Variants in PDE8B observed in about 807,000 individuals in gnomAD.
PDE8B encodes high affinity cAMP-specific and IBMX-insensitive 3',5'-cyclic phosphodiesterase 8B.
In PDE8B, 26 loss-of-function variants were observed where a neutral mutation model predicts 101.3. The observed-to-expected ratio is 0.26, with a 90% CI of 0.19 to 0.36. The LOEUF is 0.36. Ranked by LOEUF, PDE8B falls within the 10% of genes least tolerant of loss-of-function variation. The probability of loss-of-function intolerance (pLI) is 1.00; values close to 1 mark genes in which losing one functional copy is unlikely to be tolerated. For missense variants in PDE8B, 810 were observed against 1,163.1 expected, an observed-to-expected ratio of 0.70 and a Z score of 4.42; for synonymous variants, 424 against 429.3, an observed-to-expected ratio of 0.99 and a Z score of 0.15.
rs145589896 is a variant in PDE8B, at chr5:77,360,335, C to T, written c.1167+6929C>T. Among the ~76,000 whole-genome samples, 71 of 152,278 alleles carry T rather than the reference C, an allele frequency of 4.7e-4. 2 individuals carry two copies. The East Asian group carries it at 0.014, about 29-fold the overall frequency. On this transcript the variant is annotated intron_variant, in intron 10 of 21. Coordinates refer to ENST00000264917, the MANE Select transcript of PDE8B (RefSeq NM_003719.5). Reference sequence around the variant, plus strand: ...TCAGACTATTACAAGATTCTGCTCACTCCGGAGGCTTGTACTAATTAAGCC... The same window carrying T: ...TCAGACTATTACAAGATTCTGCTCATTCCGGAGGCTTGTACTAATTAAGCC...
At chr5:77,252,892 C>T (rs1013132183) in intron 1 of PDE8B, among the ~76,000 whole-genome samples, 3 of 152,148 alleles carry the variant, frequency 2.0e-5, no homozygotes, top group South Asian at 2.1e-4. Context: ...TTTTCTATTT[C>T]GACCCTTCCA....
the PDE8B span, among the ~76,000 whole-genome samples, chr5:77,184,090 C>T: frequency 3.9e-5 from 6 of 152,026 alleles, no homozygotes; most frequent in East Asian, 1.9e-4. Context: ...CCTTAGCATC[C>T]GGATTAGCTG....
chr5:77,389,348 C>G (rs958056228), intron 10 of PDE8B, among the ~76,000 whole-genome samples: 1 of 152,154 alleles, frequency 6.6e-6, no homozygotes, highest in African/African-American at 2.4e-5. Context: ...CTTGTGTTTC[C>G]CAGGTGAGGC....
the PDE8B span, among the ~76,000 whole-genome samples, chr5:77,153,988 T>A: frequency 6.6e-6 from 1 of 152,360 alleles, no homozygotes; most frequent in East Asian, 1.9e-4. Flanking sequence ...TTCCAACCCA[T>A]CTGTATAAGA....
At chr5:77,352,816 G>C (rs1184884634) in intron 9 of PDE8B, among the ~76,000 whole-genome samples, 1 of 152,198 alleles carries the variant, frequency 6.6e-6, no homozygotes, top group East Asian at 1.9e-4. Flanking sequence ...CAGTGATAAA[G>C]AGTGAGGCTG....
intron 1 of PDE8B, among the ~76,000 whole-genome samples, chr5:77,230,413 C>G (rs930585732): frequency 2.0e-5 from 3 of 152,198 alleles, no homozygotes; most frequent in Non-Finnish European, 4.4e-5. Context: ...GGGCCCTATC[C>G]CAGAGCTCTG....
intron 1 of PDE8B, among the ~76,000 whole-genome samples, chr5:77,308,749 G>A (rs1771829749): frequency 6.6e-6 from 1 of 152,164 alleles, no homozygotes; most frequent in Admixed American, 6.5e-5. Flanking sequence ...CAATGCCTGG[G>A]TCAGAGGGAC....
chr5:77,281,108 C>A (rs1199628844), intron 1 of PDE8B, among the ~76,000 whole-genome samples: 1 of 152,188 alleles, frequency 6.6e-6, no homozygotes, highest in African/African-American at 2.4e-5. Context: ...GTGGAAGCGC[C>A]ACTTCCCTGC....
chr5:77,357,320 T>C (rs1185995119), intron 10 of PDE8B, among the ~76,000 whole-genome samples: 1 of 152,154 alleles, frequency 6.6e-6, no homozygotes, highest in African/African-American at 2.4e-5. Flanking sequence ...GATGGCTTAT[T>C]CTCAAAGAGA....
chr5:77,237,842 T>A (rs1754996608), intron 1 of PDE8B, among the ~76,000 whole-genome samples: 1 of 152,306 alleles, frequency 6.6e-6, no homozygotes, highest in African/African-American at 2.4e-5. Context: ...CTTAATTCCC[T>A]ATGAATATTT....
rs886817409 is a variant in PDE8B at position 77,385,772 on chromosome 5, T to C, written c.1168-14476T>C. Among the ~76,000 whole-genome samples the C allele has an allele frequency of 2.6e-5, 4 of 151,366 alleles. No homozygotes were observed. The East Asian group carries it at 5.8e-4, about 22-fold the overall frequency. Reference sequence around the variant, plus strand: ...AGCAGGTTGTTCAGTTTTCATGTAGTTGTGCGGTTTTGAGTGAGTGAGGTT... The same window carrying C: ...AGCAGGTTGTTCAGTTTTCATGTAGCTGTGCGGTTTTGAGTGAGTGAGGTT... On this transcript the variant is annotated intron_variant, in intron 10 of 21. Coordinates refer to ENST00000264917, the MANE Select transcript of PDE8B (RefSeq NM_003719.5).
intron 9 of PDE8B, among the ~76,000 whole-genome samples, chr5:77,352,137 A>T (rs569049562): frequency 1.9e-3 from 291 of 152,326 alleles, no homozygotes; most frequent in African/African-American, 6.6e-3. Context: ...TGATGGGGGC[A>T]CTGACAGGCC....
At chr5:77,109,427 A>G in the PDE8B span, among the ~76,000 whole-genome samples, 1 of 152,224 alleles carries the variant, frequency 6.6e-6, no homozygotes, top group African/African-American at 2.4e-5. Flanking sequence ...AAAATTCGAG[A>G]GTCTTGTCCT....
intron 1 of PDE8B, among the ~76,000 whole-genome samples, chr5:77,241,637 A>G (rs1755782183): frequency 6.6e-6 from 1 of 152,142 alleles, no homozygotes; most frequent in Admixed American, 6.5e-5. Flanking sequence ...ACTGTTACTA[A>G]GTGATGAGGC....
At chr5:77,416,653 G>C (rs77251761) in intron 17 of PDE8B, among the ~76,000 whole-genome samples, 2,945 of 152,318 alleles carry the variant, frequency 0.019, 80 homozygotes, top group Middle Eastern at 0.027. Flanking sequence ...TCAGCGTTGG[G>C]AATGGAAATG....
chr5:77,128,394 G>C, the PDE8B span, among the ~76,000 whole-genome samples: 4 of 152,220 alleles, frequency 2.6e-5, no homozygotes, highest in African/African-American at 9.6e-5. Context: ...ATGGGGACAT[G>C]GGGATTCTTA....
chr5:77,381,246 T>C (rs1581370782), intron 10 of PDE8B, among the ~76,000 whole-genome samples: 1 of 152,192 alleles, frequency 6.6e-6, no homozygotes, highest in Non-Finnish European at 1.5e-5. Context: ...ATAGACTGGG[T>C]TGGGCAGGTA....
In PDE8B at chr5:77,211,084, C is replaced by A. The variant is rs956451592; in HGVS notation, c.159C>A (p.Ile53=). 5 of 1,495,164 alleles carry A rather than the reference C, an allele frequency of 3.3e-6. No homozygotes were observed. Among genetic ancestry groups the A allele is most frequent in the Admixed American group, 2.2e-5 (1 of 46,052 alleles). The allele number at this position is 1,495,164 out of a possible 1,614,324, so 92.6% of individuals were successfully genotyped here. Residue 53 remains isoleucine (I), a synonymous_variant, in exon 1 of 22, where the codon ATC becomes ATA. Coordinates refer to ENST00000264917, the MANE Select transcript of PDE8B (RefSeq NM_003719.5). The surrounding 1 kb of genome is among the most constrained non-coding windows in gnomAD (Gnocchi z 4.1). ...LFVQTDAADA[I]PPSRASGPPS... ...TCCAGACCGACGCCGCCGACGCCAT[C>A]CCCCCGAGCCGCGCGTCGGGACCCC... is the stretch of plus-strand genomic sequence containing the variant.
At chr5:77,131,599 T>A in the PDE8B span, among the ~76,000 whole-genome samples, 45 of 152,348 alleles carry the variant, frequency 3.0e-4, no homozygotes, top group African/African-American at 9.6e-4. Flanking sequence ...TTACCCGGGA[T>A]GAATTCCAGT....
Sources: allele counts gnomAD v4.1 joint callset (sites outside exome capture counted in the v4.1 genomes callset), GRCh38; gene constraint gnomAD v4.1.1; non-coding constraint Gnocchi (gnomAD v3.1); transcripts MANE v1.5; gene names NCBI Gene and HGNC (gene_info 2026-07-23, HGNC 2026-07-21).